The following HMG20A variants were observed in gnomAD, a reference collection of about 807,000 sequenced individuals.
HMG20A encodes high mobility group 20A.
HMG20A carries 17 observed loss-of-function variants against 43.9 expected under a neutral mutation model. The observed-to-expected ratio is 0.39, with a 90% CI of 0.27 to 0.58. HMG20A has a LOEUF of 0.58. Among genes scored for constraint, HMG20A ranks in the 20% least tolerant of loss-of-function variants. HMG20A has a pLI of 0.59. For synonymous variants in HMG20A, 132 were observed against 147.5 expected (o/e 0.89, Z 0.76); for missense variants, 341 against 438.2 (o/e 0.78, Z 1.98).
the HMG20A span, among the ~76,000 whole-genome samples, chr15:77,496,340 G>A: frequency 6.6e-6 from 1 of 152,206 alleles, no homozygotes; most frequent in African/African-American, 2.4e-5. Context: ...GCTTCTGCGA[G>A]AAAATGTGGA....
chr15:77,439,363 T>C (rs2073585872), intron 1 of HMG20A, among the ~76,000 whole-genome samples: 2 of 152,170 alleles, frequency 1.3e-5, no homozygotes, highest in African/African-American at 4.8e-5. Flanking sequence ...CTGTGAATAT[T>C]TTCGTCACTC....
intron 1 of HMG20A, among the ~76,000 whole-genome samples, chr15:77,424,365 C>G (rs1431900261): frequency 6.6e-6 from 1 of 152,050 alleles, no homozygotes; most frequent in Non-Finnish European, 1.5e-5. Context: ...TCAGATAGGC[C>G]CAAATTCAGC....
At chr15:77,480,364 A>G (rs1005974296) in intron 9 of HMG20A, among the ~76,000 whole-genome samples, 4 of 152,104 alleles carry the variant, frequency 2.6e-5, no homozygotes, top group African/African-American at 9.7e-5. Flanking sequence ...CTGTAGTCCT[A>G]GCACTTTGGG....
chr15:77,424,549 A>T (rs1408240232), intron 1 of HMG20A, among the ~76,000 whole-genome samples: 1 of 152,108 alleles, frequency 6.6e-6, no homozygotes, highest in Non-Finnish European at 1.5e-5. Context: ...CATTAATGCA[A>T]TTATCTTACC....
At chr15:77,491,560 C>T in the HMG20A span, among the ~76,000 whole-genome samples, 2 of 152,054 alleles carry the variant, frequency 1.3e-5, no homozygotes, top group Non-Finnish European at 2.9e-5. Flanking sequence ...TTGAGGAAGT[C>T]CCTCTCCACT....
chr15:77,478,207 C>A, intron 7 of HMG20A, 88 bp from the exon 8 acceptor site: 1 of 1,320,564 alleles, frequency 7.6e-7, no homozygotes, highest in Non-Finnish European at 1.1e-6. Flanking sequence ...TTAGAGGCAG[C>A]TAAGCAGAAC....
intron 1 of HMG20A, among the ~76,000 whole-genome samples, chr15:77,433,256 C>T (rs945535663): frequency 5.5e-5 from 8 of 145,104 alleles, no homozygotes; most frequent in East Asian, 2.0e-4. Context: ...GTAGGAGGAT[C>T]GGTTTAGGCT....
At chr15:77,432,035 G>A (rs930189618) in intron 1 of HMG20A, among the ~76,000 whole-genome samples, 2 of 152,136 alleles carry the variant, frequency 1.3e-5, no homozygotes, top group Non-Finnish European at 2.9e-5. Context: ...ATCTGTTGAT[G>A]GATACTGAGG....
At chr15:77,429,786 G>A (rs748538125) in intron 1 of HMG20A, among the ~76,000 whole-genome samples, 26 of 152,060 alleles carry the variant, frequency 1.7e-4, no homozygotes, top group African/African-American at 5.8e-4. Flanking sequence ...TCACAATAGC[G>A]TCTTTAAGAA....
chr15:77,432,087 C>A (rs1166050868), intron 1 of HMG20A, among the ~76,000 whole-genome samples: 2 of 152,180 alleles, frequency 1.3e-5, no homozygotes, highest in East Asian at 3.8e-4. Context: ...CTGGCAATAA[C>A]CCTGAGAGTG....
the HMG20A span, among the ~76,000 whole-genome samples, chr15:77,512,481 G>C: frequency 6.6e-6 from 1 of 152,074 alleles, no homozygotes; most frequent in Non-Finnish European, 1.5e-5. Context: ...AACTTGAAGA[G>C]GCTCCCAATG....
chr15:77,489,302 GTAAAT>G (rs1204957103), downstream of HMG20A, among the ~76,000 whole-genome samples: 1 of 152,168 alleles, frequency 6.6e-6, no homozygotes, highest in Non-Finnish European at 1.5e-5. Flanking sequence ...TTTACAGTAA[GTAAAT>G]TAAGACACAG....
chr15:77,451,675 G>A (rs1415021990), intron 1 of HMG20A, among the ~76,000 whole-genome samples: 1 of 151,842 alleles, frequency 6.6e-6, no homozygotes, highest in Non-Finnish European at 1.5e-5. Flanking sequence ...CAGTGTACTG[G>A]AACAGACAAA....
chr15:77,513,681 C>CT, the HMG20A span, among the ~76,000 whole-genome samples: 1 of 151,680 alleles, frequency 6.6e-6, no homozygotes, highest in African/African-American at 2.4e-5. Context: ...GACACCAGTT[C>CT]TATTAGACCA....
At chr15:77,501,901 C>T in the HMG20A span, among the ~76,000 whole-genome samples, 1 of 152,134 alleles carries the variant, frequency 6.6e-6, no homozygotes, top group Non-Finnish European at 1.5e-5. Flanking sequence ...CTTGGAGAAA[C>T]ACCAGATGCC....
the HMG20A span, among the ~76,000 whole-genome samples, chr15:77,509,518 A>G: frequency 6.7e-5 from 10 of 149,872 alleles, no homozygotes; most frequent in Admixed American, 6.6e-4. Flanking sequence ...GGCCTCTCAA[A>G]GTGCTGGGAA....
chr15:77,448,427 T>C (rs548064946), intron 1 of HMG20A, among the ~76,000 whole-genome samples: 1 of 152,162 alleles, frequency 6.6e-6, no homozygotes, highest in Non-Finnish European at 1.5e-5. Context: ...CCCACATACA[T>C]GCATAGTTCT....
intron 1 of HMG20A, among the ~76,000 whole-genome samples, chr15:77,431,814 G>A (rs1324752414): frequency 1.3e-5 from 2 of 151,932 alleles, no homozygotes; most frequent in Non-Finnish European, 2.9e-5. Context: ...CCCACCCCTG[G>A]TAACTACCAT....
chr15:77,479,496 A>T (rs1049813759), intron 9 of HMG20A, 175 bp downstream of exon 9: 2 of 604,080 alleles, frequency 3.3e-6, no homozygotes, highest in Non-Finnish European at 5.6e-6. Flanking sequence ...AGAAAAGAGA[A>T]TCACTGTAGT....
Sources: gnomAD v4.1 joint callset for allele counts (sites outside exome capture counted in the v4.1 genomes callset) on GRCh38, gnomAD v4.1.1 for gene constraint, MANE v1.5 for transcripts, NCBI Gene and HGNC (gene_info 2026-07-23, HGNC 2026-07-21) for gene names.